Variants in RGS6 observed in about 807,000 individuals in gnomAD.
RGS6 encodes regulator of G protein signaling 6.
RGS6 carries 30 observed loss-of-function variants against 78.5 expected under a neutral mutation model. The ratio of observed to expected loss-of-function variants is 0.38; its 90% CI spans 0.29 to 0.52. The LOEUF (loss-of-function observed/expected upper bound fraction) is 0.52. Ranked by LOEUF, RGS6 falls within the 20% of genes least tolerant of loss-of-function variation. RGS6 has a pLI of 0.85. For missense variants in RGS6, 495 were observed against 609.7 expected (o/e 0.81, Z 1.98); for synonymous variants, 206 against 206.0 (o/e 1.00, Z 0.00).
the RGS6 span, among the ~76,000 whole-genome samples, chr14:71,910,940 T>A: frequency 6.6e-6 from 1 of 152,150 alleles, no homozygotes; most frequent in Non-Finnish European, 1.5e-5. Context: ...CCAGCTCTGT[T>A]GGTATGATTT....
At chr14:72,376,501 CA>C (rs1447550270) in intron 3 of RGS6, among the ~76,000 whole-genome samples, 3 of 152,054 alleles carry the variant, frequency 2.0e-5, no homozygotes, top group African/African-American at 7.2e-5. Context: ...CAAAGAACCC[CA>C]AATAGATATA....
intron 2 of RGS6, among the ~76,000 whole-genome samples, chr14:72,243,609 C>T (rs2053480574): frequency 6.6e-6 from 1 of 152,168 alleles, no homozygotes; most frequent in Non-Finnish European, 1.5e-5. Context: ...AAGGATATTT[C>T]TATTTCAGCC....
chr14:72,180,847 C>T (rs561237345), intron 2 of RGS6, among the ~76,000 whole-genome samples: 1 of 152,210 alleles, frequency 6.6e-6, no homozygotes, highest in African/African-American at 2.4e-5. Context: ...TTGCTTCCAC[C>T]TTCCCCCTTC....
chr14:72,418,573 G>T (rs1244243067), intron 3 of RGS6, among the ~76,000 whole-genome samples: 1 of 152,174 alleles, frequency 6.6e-6, no homozygotes, highest in African/African-American at 2.4e-5. Flanking sequence ...GAAACAATAG[G>T]ACAGCCAGAT....
intron 17 of RGS6, among the ~76,000 whole-genome samples, chr14:72,556,695 T>TGGGGGGGGGGGGGGGGGGGGGTGTG (rs1337344215): frequency 3.9e-5 from 1 of 25,572 alleles, no homozygotes; most frequent in African/African-American, 1.6e-4. Context: ...GGGGGCGGGG[T>TGGGGGGGGGGGGGGGGGGGGGTGTG]GGGGGGTGCT....
At chr14:71,903,454 G>A in the RGS6 span, among the ~76,000 whole-genome samples, 1 of 152,208 alleles carries the variant, frequency 6.6e-6, no homozygotes, top group Admixed American at 6.5e-5. Flanking sequence ...AAAGGTCATG[G>A]GAATTAACAG....
chr14:72,077,626 CCTGT>C (rs1233118265), intron 2 of RGS6, among the ~76,000 whole-genome samples: 3 of 152,128 alleles, frequency 2.0e-5, no homozygotes, highest in Non-Finnish European at 2.9e-5. Context: ...CTTTAATCTG[CCTGT>C]CTTTTTTTTG....
At chr14:72,323,681 A>T (rs1041849674) in intron 2 of RGS6, among the ~76,000 whole-genome samples, 4 of 151,470 alleles carry the variant, frequency 2.6e-5, no homozygotes, top group Admixed American at 1.3e-4. Context: ...GGGCACCTGT[A>T]ATCCCAGCTA....
intron 3 of RGS6, among the ~76,000 whole-genome samples, chr14:72,430,149 G>T (rs1040587621): frequency 1.2e-4 from 19 of 152,178 alleles, no homozygotes; most frequent in African/African-American, 4.6e-4. Flanking sequence ...AAAATGCAAA[G>T]TACATATAGC....
chr14:72,568,096 G>A (rs1002545454), downstream of RGS6, among the ~76,000 whole-genome samples: 2 of 152,200 alleles, frequency 1.3e-5, no homozygotes, highest in Non-Finnish European at 2.9e-5. Context: ...CTCGCTTGAA[G>A]TGTGGGCTCG....
chr14:72,215,308 T>C (rs1394551401), intron 2 of RGS6, among the ~76,000 whole-genome samples: 1 of 152,186 alleles, frequency 6.6e-6, no homozygotes, highest in Non-Finnish European at 1.5e-5. Context: ...TATTTCTGAG[T>C]GCTTGGAGGC....
chr14:71,994,523 T>G (rs1227182307), intron 2 of RGS6, among the ~76,000 whole-genome samples: 1 of 152,110 alleles, frequency 6.6e-6, no homozygotes, highest in Non-Finnish European at 1.5e-5. Context: ...TATGTATGAA[T>G]TGTGTCCCCC....
At chr14:72,237,717 C>G (rs1269358773) in intron 2 of RGS6, among the ~76,000 whole-genome samples, 1 of 152,096 alleles carries the variant, frequency 6.6e-6, no homozygotes, top group East Asian at 1.9e-4. Flanking sequence ...TGACTGCCAC[C>G]ATGCTCAAAC....
At chr14:72,494,671 T>A (rs2096621016) in intron 12 of RGS6, among the ~76,000 whole-genome samples, 1 of 152,166 alleles carries the variant, frequency 6.6e-6, no homozygotes, top group African/African-American at 2.4e-5. Context: ...AAAATGCAAA[T>A]GTTTACTCCT....
At chr14:72,088,083 T>G (rs538249375) in intron 2 of RGS6, among the ~76,000 whole-genome samples, 5 of 152,162 alleles carry the variant, frequency 3.3e-5, no homozygotes, top group Admixed American at 3.3e-4. Flanking sequence ...CAGAATCTTT[T>G]GGTACCATCT....
chr14:71,913,670 A>T, the RGS6 span, among the ~76,000 whole-genome samples: 9,572 of 152,308 alleles, frequency 0.063, 422 homozygotes, highest in Non-Finnish European at 0.095. Flanking sequence ...GGAACTTGGA[A>T]CAATTTTTTA....
chr14:72,016,013 CTT>C (rs1353083261), intron 2 of RGS6, among the ~76,000 whole-genome samples: 1 of 152,022 alleles, frequency 6.6e-6, no homozygotes, highest in African/African-American at 2.4e-5. Context: ...TATGTTTTGA[CTT>C]TTTATGATGT....
intron 3 of RGS6, among the ~76,000 whole-genome samples, chr14:72,404,487 T>G (rs2092746879): frequency 6.6e-6 from 1 of 152,212 alleles, no homozygotes; most frequent in African/African-American, 2.4e-5. Context: ...TGATGCCACC[T>G]TCTCTGCTGC....
intron 2 of RGS6, among the ~76,000 whole-genome samples, chr14:72,330,869 G>A (rs1355548905): frequency 1.3e-5 from 2 of 151,936 alleles, no homozygotes; most frequent in Non-Finnish European, 2.9e-5. Flanking sequence ...TTTTTGGTGT[G>A]CCCCATCTTC....
Sources: gnomAD v4.1 joint callset for allele counts (sites outside exome capture counted in the v4.1 genomes callset) on GRCh38, gnomAD v4.1.1 for gene constraint, MANE v1.5 for transcripts, NCBI Gene and HGNC (gene_info 2026-07-23, HGNC 2026-07-21) for gene names.